MAD1L1: variants seen among roughly 807,000 people sequenced by gnomAD.
MAD1L1 encodes the protein mitotic spindle assembly checkpoint protein MAD1.
MAD1L1 carries 95 observed loss-of-function variants against 96.9 expected under a neutral mutation model. That is an observed-to-expected ratio of 0.98 (90% CI 0.83 to 1.16). The LOEUF is 1.16. Ranked by LOEUF, MAD1L1 falls within the 50% of genes most tolerant of loss-of-function variation. The pLI, the probability that MAD1L1 is intolerant of heterozygous loss-of-function variation, is 0.00. For missense variants in MAD1L1, 1,007 were observed against 954.4 expected, an observed-to-expected ratio of 1.06 and a Z score of -0.73; for synonymous variants, 473 against 396.6, an observed-to-expected ratio of 1.19 and a Z score of -2.29.
intron 16 of MAD1L1, among the ~76,000 whole-genome samples, chr7:1,944,490 A>ACGATTTCAACTTTCC: frequency 6.6e-6 from 1 of 152,274 alleles, no homozygotes; most frequent in East Asian, 1.9e-4. Context: ...TGCATGTACC[A>ACGATTTCAACTTTCC]CGATTTCAAC....
chr7:1,949,793 G>A (rs2128470659), intron 16 of MAD1L1, among the ~76,000 whole-genome samples: 1 of 152,394 alleles, frequency 6.6e-6, no homozygotes, highest in East Asian at 1.9e-4. Flanking sequence ...ATGTCCAAGA[G>A]CCGCGGGGAC....
chr7:1,868,426 G>A (rs991306627), intron 18 of MAD1L1, among the ~76,000 whole-genome samples: 3 of 152,098 alleles, frequency 2.0e-5, no homozygotes, highest in East Asian at 3.9e-4. Flanking sequence ...CCCGGGCTGC[G>A]TGCTGCTGGA....
At chr7:1,860,426 GT>G in intron 18 of MAD1L1, among the ~76,000 whole-genome samples, 1 of 151,790 alleles carries the variant, frequency 6.6e-6, no homozygotes, top group African/African-American at 2.4e-5. Flanking sequence ...ACATCCTGTG[GT>G]GGCCCCTGTC....
At chr7:2,041,942 G>A (rs762666591) in intron 12 of MAD1L1, among the ~76,000 whole-genome samples, 4 of 152,172 alleles carry the variant, frequency 2.6e-5, no homozygotes, top group African/African-American at 7.2e-5. Context: ...GAGGCGAGCA[G>A]AGCCTGCATC....
intron 18 of MAD1L1, among the ~76,000 whole-genome samples, chr7:1,865,446 A>C (rs1784734982): frequency 6.6e-6 from 1 of 152,204 alleles, no homozygotes; most frequent in African/African-American, 2.4e-5. Flanking sequence ...GAGCTTTCAG[A>C]GGTCTCAGGA....
intron 17 of MAD1L1, 103 bp from the exon 18 acceptor site, chr7:1,898,493 G>T: frequency 1.0e-6 from 1 of 956,716 alleles, no homozygotes; most frequent in Non-Finnish European, 1.6e-6. Flanking sequence ...AGGTGGGAGT[G>T]GCGGCTGCCC....
chr7:1,816,257 C>T, intron 18 of MAD1L1, 29 bp from the exon 19 acceptor site: 2 of 1,599,782 alleles, frequency 1.3e-6, no homozygotes, highest in Non-Finnish European at 1.7e-6. Flanking sequence ...AGAGACAAGA[C>T]AGCGGTCAGC....
chr7:2,177,103 G>A (rs1179035479), intron 10 of MAD1L1, among the ~76,000 whole-genome samples: 2 of 152,194 alleles, frequency 1.3e-5, no homozygotes, highest in African/African-American at 4.8e-5. Flanking sequence ...TTTAATGTCA[G>A]GAGAAACACA....
At chr7:2,072,068 C>A (rs1785158132) in intron 11 of MAD1L1, among the ~76,000 whole-genome samples, 1 of 152,270 alleles carries the variant, frequency 6.6e-6, no homozygotes, top group African/African-American at 2.4e-5. Context: ...GGAATCCCAA[C>A]TGGGTGGTAG....
intron 15 of MAD1L1, among the ~76,000 whole-genome samples, chr7:1,967,339 G>A (rs1191608109): frequency 2.6e-5 from 4 of 152,028 alleles, no homozygotes; most frequent in Non-Finnish European, 1.5e-5. Context: ...AGCATGAAAA[G>A]GAAAAACAAA....
intron 10 of MAD1L1, among the ~76,000 whole-genome samples, chr7:2,152,020 C>T (rs972907134): frequency 1.6e-4 from 14 of 87,266 alleles, no homozygotes; most frequent in South Asian, 8.3e-4. Flanking sequence ...AGGCTGCTTC[C>T]GGGTGGCTCC....
At chr7:1,940,370 T>C (rs73051857) in intron 16 of MAD1L1, 5,203 of 152,320 alleles carry the variant, frequency 0.034, 198 homozygotes, top group Admixed American at 0.099. Context: ...AATCACAGAC[T>C]CTTGGGGTTG....
chr7:1,983,092 GCACACA>G (rs200854960), intron 14 of MAD1L1, among the ~76,000 whole-genome samples: 1 of 151,230 alleles, frequency 6.6e-6, no homozygotes, highest in African/African-American at 2.4e-5. Context: ...GCGCGTGCAT[GCACACA>G]CACACACGTG....
chr7:2,002,912 C>G (rs57633152), intron 13 of MAD1L1, among the ~76,000 whole-genome samples: 55,877 of 119,554 alleles, frequency 0.47, 10,345 homozygotes, highest in East Asian at 0.58. Context: ...CACATCCTCT[C>G]CCTCTGCCCC....
intron 17 of MAD1L1, among the ~76,000 whole-genome samples, chr7:1,924,520 G>T (rs1788987927): frequency 6.6e-6 from 1 of 152,174 alleles, no homozygotes; most frequent in Admixed American, 6.5e-5. Flanking sequence ...CACTCTCCCA[G>T]AACCCCACAT....
chr7:2,096,936 AC>A (rs1159942996), intron 11 of MAD1L1, among the ~76,000 whole-genome samples: 1 of 152,072 alleles, frequency 6.6e-6, no homozygotes, highest in African/African-American at 2.4e-5. Flanking sequence ...GCTGCCACCC[AC>A]AGGCGGGCAC....
intron 16 of MAD1L1, among the ~76,000 whole-genome samples, chr7:1,949,421 C>T (rs1365842978): frequency 2.6e-5 from 4 of 152,206 alleles, no homozygotes; most frequent in Admixed American, 1.3e-4. Flanking sequence ...TCTTGAACTC[C>T]ATCCCTGTCT....
At chr7:2,211,577 GGGAGCAGAAGGGTC>G (rs1446432477) in intron 10 of MAD1L1, among the ~76,000 whole-genome samples, 3 of 152,224 alleles carry the variant, frequency 2.0e-5, no homozygotes, top group Non-Finnish European at 4.4e-5. Flanking sequence ...GAGTATGCCT[GGGAGCAGAAGGGTC>G]GCCTTCCAAG....
intron 18 of MAD1L1, among the ~76,000 whole-genome samples, chr7:1,895,693 G>A (rs1786822201): frequency 1.3e-5 from 2 of 152,254 alleles, no homozygotes; most frequent in Non-Finnish European, 2.9e-5. Context: ...GCCTCTGCGG[G>A]CACCAGGCCT....
Sources: allele counts gnomAD v4.1 joint callset (sites outside exome capture counted in the v4.1 genomes callset), GRCh38; gene constraint gnomAD v4.1.1; transcripts MANE v1.5; gene names NCBI Gene and HGNC (gene_info 2026-07-23, HGNC 2026-07-21).